Variants in ARL9 observed in about 807,000 individuals in gnomAD.
ARL9 encodes ADP-ribosylation factor-like protein 9.
In ARL9, 14 loss-of-function variants were observed where a neutral mutation model predicts 27.0. The ratio of observed to expected loss-of-function variants is 0.52; its 90% CI spans 0.34 to 0.81. The LOEUF is 0.81. ARL9 is among the 30% of genes least tolerant of loss of function. The probability of loss-of-function intolerance (pLI) is 0.01; values close to 1 mark genes in which losing one functional copy is unlikely to be tolerated. For missense variants in ARL9, 294 were observed against 290.0 expected (o/e 1.01, Z -0.10); for synonymous variants, 106 against 108.7 (o/e 0.98, Z 0.15).
intron 1 of ARL9, among the ~76,000 whole-genome samples, chr4:56,507,990 C>T (rs1163665411): frequency 1.3e-5 from 2 of 151,094 alleles, no homozygotes; most frequent in Admixed American, 6.6e-5. Flanking sequence ...AAAATTCTCC[C>T]AATCAAAATG....
Position 56,524,181 on chromosome 4 carries a change from T to C in ARL9, c.*305T>C, listed in dbSNP as rs1164854398. ...AGCATTTTCATTGTATTAGGTATTA[T>C]AAGTAATCTAAAGATGATTTAAAAT... On this transcript the variant is annotated 3_prime_UTR_variant, in exon 4 of 4. Transcript: ENST00000640821. 1 of 224,864 alleles carries C rather than the reference T, an allele frequency of 4.4e-6. No individual in the cohort carries two copies. Among genetic ancestry groups the C allele is most frequent in the Admixed American group, 5.2e-5 (1 of 19,180 alleles). The allele number at this position is 224,864 out of a possible 1,614,324, so 13.9% of individuals were successfully genotyped here.
At chr4:56,508,260 CA>C (rs1189136728) in intron 1 of ARL9, among the ~76,000 whole-genome samples, 1 of 152,046 alleles carries the variant, frequency 6.6e-6, no homozygotes, top group Non-Finnish European at 1.5e-5. Context: ...AGAATGACAT[CA>C]TAACATTTAG....
chr4:56,510,354 CAAA>C (rs769085578), intron 1 of ARL9, among the ~76,000 whole-genome samples: 60 of 75,108 alleles, frequency 8.0e-4, no homozygotes, highest in East Asian at 3.9e-3. Flanking sequence ...GACTCCAACT[CAAA>C]AAAAAAAAAA....
chr4:56,522,956 C>G (rs1243872078), intron 3 of ARL9, among the ~76,000 whole-genome samples: 1 of 152,180 alleles, frequency 6.6e-6, no homozygotes, highest in Non-Finnish European at 1.5e-5. Flanking sequence ...AAAGAAAACT[C>G]ACAGTGGCAA....
chr4:56,518,695 T>C lies in ARL9; in HGVS notation c.460T>C (p.Phe154Leu). The C allele has an allele frequency of 1.2e-6, 2 of 1,613,254 alleles. No individual in the cohort carries two copies. The highest frequency in any genetic ancestry group is 1.1e-5 in the South Asian group (1 of 90,920). ...EFLEIGGSKP[F>L]RSYWEMYLSK... ...CTCTGTAGTTGGTGGCAGTAAACCT[T>C]TTCGGTCCTACTGGGAAATGTACCT... The change falls in exon 3 of 4, where the codon TTT becomes CTT. Residue 154 changes from phenylalanine (F) to leucine (L), a missense_variant. Coordinates refer to ENST00000640821, the MANE Select transcript of ARL9 (RefSeq NM_001363794.2).
Position 56,506,053 on chromosome 4 carries a change from C to T in ARL9, c.191C>T (p.Thr64Ile). Residue 64 changes from threonine to isoleucine, a missense_variant, in exon 1 of 4, where the codon ACA becomes ATA. Physicochemically the swap from Thr to Ile is moderately conservative, Grantham distance 89 (BLOSUM62 -1). Transcript: ENST00000640821. ...EEKRTKQGKE[T>I]NKEKEQFKGQ... ...AAGAGGACAAAGCAAGGGAAGGAGA[C>T]AAACAAAGAGAAGGAACAATTTAAG... is the stretch of plus-strand genomic sequence containing the variant. 8.1e-7 allele frequency: 1 copy of T among 1,227,364 alleles called. No homozygotes were observed. Among genetic ancestry groups the T allele is most frequent in the South Asian group, 4.1e-5 (1 of 24,372 alleles). 76.0% of individuals were successfully genotyped at this position (1,227,364 alleles called of 1,614,324 possible). A position where few individuals can be genotyped will look rare whatever the true frequency, so the allele number is the denominator to read the frequency against.
intron 1 of ARL9, among the ~76,000 whole-genome samples, chr4:56,509,196 T>TTTTTC (rs1441712541): frequency 1.8e-4 from 24 of 132,268 alleles, no homozygotes; most frequent in East Asian, 5.4e-4. Context: ...TTTCTTTTTC[T>TTTTTC]TTTTCTTTTT....
chr4:56,506,357 C>T (rs1369707735), intron 1 of ARL9, among the ~76,000 whole-genome samples: 1 of 152,160 alleles, frequency 6.6e-6, no homozygotes, highest in Non-Finnish European at 1.5e-5. Context: ...CTTATCGCTA[C>T]CCCTGTGTCT....
chr4:56,507,790 A>G (rs1189836769), intron 1 of ARL9, among the ~76,000 whole-genome samples: 1 of 151,610 alleles, frequency 6.6e-6, no homozygotes. Context: ...CCTAGCCAAC[A>G]TGGCAAAACC....
At chr4:56,506,169 T>A (rs1387743146) in intron 1 of ARL9, 28 bp downstream of exon 1, 4 of 1,232,924 alleles carry the variant, frequency 3.2e-6, no homozygotes, top group Non-Finnish European at 4.0e-6. Flanking sequence ...CAGGACCCCT[T>A]GCCCCAAGGC....
chr4:56,505,841 G>A lies in ARL9; in HGVS notation c.-22G>A. 7.8e-7 allele frequency: 1 copy of A among 1,278,310 alleles called. No individual in the cohort carries two copies. The allele number at this position is 1,278,310 out of a possible 1,614,324, so 79.2% of individuals were successfully genotyped here. ...CAGCACGCGGGCACGCGGCGGGAGGGAAGGAAACCGCGGCGCTGGGGATGG... is the reference window on the plus strand; with the variant it reads ...CAGCACGCGGGCACGCGGCGGGAGGAAAGGAAACCGCGGCGCTGGGGATGG... On this transcript the variant is annotated 5_prime_UTR_variant, in exon 1 of 4. Transcript: ENST00000640821.
At chr4:56,508,576 G>A (rs558084233) in intron 1 of ARL9, among the ~76,000 whole-genome samples, 3 of 152,108 alleles carry the variant, frequency 2.0e-5, no homozygotes, top group Non-Finnish European at 4.4e-5. Context: ...ACTAGAGACC[G>A]GATTTCACCA....
chr4:56,514,526 A>C (rs1477762949), intron 2 of ARL9, among the ~76,000 whole-genome samples: 2 of 152,258 alleles, frequency 1.3e-5, no homozygotes, highest in Admixed American at 6.5e-5. Flanking sequence ...TAGGATGACA[A>C]GAGTATAATA....
intron 1 of ARL9, among the ~76,000 whole-genome samples, chr4:56,510,370 A>AAAAAAG: frequency 6.6e-6 from 1 of 151,850 alleles, no homozygotes; most frequent in African/African-American, 2.4e-5. Context: ...AAAAAAAAAA[A>AAAAAAG]AGTATAAGAG....
chr4:56,510,496 C>T (rs182000141), intron 1 of ARL9, among the ~76,000 whole-genome samples: 1 of 152,194 alleles, frequency 6.6e-6, no homozygotes, highest in East Asian at 1.9e-4. Flanking sequence ...ACATGCACCA[C>T]GGAGGTCCCA....
At chr4:56,517,579 T>C (rs753621264) in intron 2 of ARL9, among the ~76,000 whole-genome samples, 20 of 152,118 alleles carry the variant, frequency 1.3e-4, no homozygotes, top group Non-Finnish European at 1.8e-4. Context: ...TCTTTTTTTT[T>C]CTCCAAAATT....
chr4:56,506,265 G>A, intron 1 of ARL9, 124 bp downstream of exon 1: 31 of 994,100 alleles, frequency 3.1e-5, no homozygotes, highest in Non-Finnish European at 3.6e-5. Context: ...TCAACTGAGG[G>A]CTATTTACCT....
At chr4:56,522,122 A>G (rs997007050) in intron 3 of ARL9, among the ~76,000 whole-genome samples, 3 of 151,986 alleles carry the variant, frequency 2.0e-5, no homozygotes, top group Non-Finnish European at 4.4e-5. Flanking sequence ...TCCAAGTGAT[A>G]GAATTTGATA....
intron 1 of ARL9, among the ~76,000 whole-genome samples, chr4:56,507,868 C>T (rs113522082): frequency 0.13 from 19,672 of 150,252 alleles, 1,618 homozygotes; most frequent in East Asian, 0.27. Flanking sequence ...CCCAGCTACT[C>T]GGGAGGCTGA....
Sources: allele counts gnomAD v4.1 joint callset (sites outside exome capture counted in the v4.1 genomes callset), GRCh38; gene constraint gnomAD v4.1.1; transcripts MANE v1.5; gene names NCBI Gene and HGNC (gene_info 2026-07-23, HGNC 2026-07-21).